The following NECAP2 variants were observed in gnomAD, a reference collection of about 807,000 sequenced individuals.
NECAP2 encodes the protein NECAP endocytosis associated 2.
NECAP2 carries 38 observed loss-of-function variants against 37.8 expected under a neutral mutation model. The observed-to-expected ratio is 1.01, with a 90% CI of 0.78 to 1.32. NECAP2 has a LOEUF of 1.32. NECAP2 is among the 40% of genes most tolerant of loss of function. NECAP2 has a pLI of 0.00. For synonymous variants in NECAP2, 121 were observed against 127.7 expected (o/e 0.95, Z 0.35); for missense variants, 316 against 334.5 (o/e 0.94, Z 0.43).
chr1:16,447,782 T>G (rs2086784202), intron 2 of NECAP2, 88 bp from the exon 3 acceptor site: 3 of 1,037,672 alleles, frequency 2.9e-6, no homozygotes, highest in Admixed American at 1.7e-5. Flanking sequence ...TAGAGATGCC[T>G]TGCGGGCAAA....
At chr1:16,453,097 G>A (rs1471265276) in intron 6 of NECAP2, among the ~76,000 whole-genome samples, 1 of 151,570 alleles carries the variant, frequency 6.6e-6, no homozygotes, top group African/African-American at 2.4e-5. Flanking sequence ...GCAAGAATCT[G>A]CATTCTTGTG....
At chr1:16,449,362 G>C in intron 5 of NECAP2, 161 bp downstream of exon 5, 1 of 585,188 alleles carries the variant, frequency 1.7e-6, no homozygotes, top group Non-Finnish European at 3.0e-6. Context: ...AGAGACCTCT[G>C]TTCTCATGGA....
intron 1 of NECAP2, among the ~76,000 whole-genome samples, chr1:16,443,196 CTG>C (rs1200260436): frequency 3.9e-5 from 6 of 152,194 alleles, no homozygotes; most frequent in Non-Finnish European, 8.8e-5. Context: ...GAGGAGGACA[CTG>C]TGGTCTAGAG....
At position 16,451,988 on chromosome 1, in the gene NECAP2, G is replaced by A. The variant is rs377008317; in HGVS notation, c.640G>A (p.Val214Ile). ...GEQLAVGGSL[V>I]QPAVAPSSGG... Reference sequence around the variant, plus strand: ...GCAGTTGGCTGTGGGGGGATCCCTCGTCCAGCCAGCAGTTGCTCCCAGTTC... The same window carrying A: ...GCAGTTGGCTGTGGGGGGATCCCTCATCCAGCCAGCAGTTGCTCCCAGTTC... The change falls in exon 6 of 8, where the codon GTC becomes ATC. Residue 214 changes from valine (V) to isoleucine (I), a missense_variant. Val to Ile is a conservative substitution (Grantham distance 29). Around this residue, in one of 3 missense-constraint regions of NECAP2, gnomAD observed 204 missense variants for 188.6 expected, o/e 1.08. Transcript: ENST00000337132. The A allele has an allele frequency of 1.1e-5, 18 of 1,602,738 alleles. 1 individual carries two copies. In the Middle Eastern group the frequency reaches 5.0e-4, roughly 45 times the overall value.
chr1:16,448,847 C>T (rs1311938472), intron 4 of NECAP2, among the ~76,000 whole-genome samples: 2 of 152,142 alleles, frequency 1.3e-5, no homozygotes, highest in African/African-American at 4.8e-5. Context: ...CATTCGTAGC[C>T]ATCTTGAAAA....
At chr1:16,442,189 G>A (rs936387198) in intron 1 of NECAP2, among the ~76,000 whole-genome samples, 1 of 146,816 alleles carries the variant, frequency 6.8e-6, no homozygotes, top group South Asian at 2.1e-4. Flanking sequence ...TGTTGGTCAG[G>A]CTGGTCTCGA....
In NECAP2 at chr1:16,443,876, C is replaced by A. The variant is rs575828225; in HGVS notation, c.193+144C>A. On this transcript the variant is annotated intron_variant, in intron 2 of 7. Coordinates refer to ENST00000337132, the MANE Select transcript of NECAP2 (RefSeq NM_018090.5). ...GACGTGTGTGTACCTTTAAGCTGTA[C>A]CATTCCCCCACCTTAGTTGTAGAAA... 5 of 647,888 alleles carry A rather than the reference C, an allele frequency of 7.7e-6. No homozygotes were observed. The South Asian group carries it at 8.8e-5, about 11-fold the overall frequency. The allele number at this position is 647,888 out of a possible 1,614,324, so 40.1% of individuals were successfully genotyped here. A position where few individuals can be genotyped will look rare whatever the true frequency, so the allele number is the denominator to read the frequency against.
At chr1:16,448,569 A>C (rs2086796109) in intron 4 of NECAP2, among the ~76,000 whole-genome samples, 1 of 152,190 alleles carries the variant, frequency 6.6e-6, no homozygotes, top group African/African-American at 2.4e-5. Flanking sequence ...TCAGGCTGCC[A>C]GTGAGTGGGC....
At chr1:16,443,611 C>G (rs772130067) in intron 1 of NECAP2, 21 bp from the exon 2 acceptor site, 1 of 1,582,060 alleles carries the variant, frequency 6.3e-7, no homozygotes. Flanking sequence ...GGCAGAGATT[C>G]AGTGGTGTTT....
chr1:16,453,021 C>CT (rs2086869085), intron 6 of NECAP2, among the ~76,000 whole-genome samples: 1 of 151,904 alleles, frequency 6.6e-6, no homozygotes, highest in Admixed American at 6.6e-5. Flanking sequence ...AGGAACTGTT[C>CT]TTTAAGTGCT....
chr1:16,448,198 T>G, intron 4 of NECAP2, 57 bp downstream of exon 4: 1 of 1,494,562 alleles, frequency 6.7e-7, no homozygotes, highest in Non-Finnish European at 9.3e-7. Context: ...CTGGACAGAA[T>G]GATCTCCCAG....
chr1:16,448,349 C>A, intron 4 of NECAP2: 1 of 601,082 alleles, frequency 1.7e-6, no homozygotes, highest in Non-Finnish European at 3.0e-6. Context: ...TCTCTACCAT[C>A]CCAGCCTTCG....
chr1:16,453,229 C>T (rs1210096964), intron 6 of NECAP2, among the ~76,000 whole-genome samples: 1 of 151,618 alleles, frequency 6.6e-6, no homozygotes, highest in Non-Finnish European at 1.5e-5. Context: ...CCTGCCTCAG[C>T]CTCCTGAGTA....
chr1:16,449,496 G>C (rs976177872), intron 5 of NECAP2: 4 of 320,460 alleles, frequency 1.2e-5, no homozygotes, highest in Admixed American at 9.2e-5. Flanking sequence ...GCCCATAGTT[G>C]TGGGAACCAA....
chr1:16,452,105 C>A, intron 6 of NECAP2, 90 bp downstream of exon 6: 1 of 1,321,032 alleles, frequency 7.6e-7, no homozygotes, highest in East Asian at 2.4e-5. Flanking sequence ...CCCCGTTACA[C>A]ACATGGATTG....
chr1:16,455,612 C>A, intron 6 of NECAP2: 1 of 574,804 alleles, frequency 1.7e-6, no homozygotes, highest in African/African-American at 1.9e-5. Flanking sequence ...CCAGAGCGCA[C>A]AAGGGCTGGT....
chr1:16,443,569 C>A (rs947279336), intron 1 of NECAP2, 63 bp from the exon 2 acceptor site: 1 of 1,267,064 alleles, frequency 7.9e-7, no homozygotes, highest in South Asian at 1.3e-5. Context: ...CCTTTCCATT[C>A]CCAGCATTGG....
chr1:16,459,100 G>C lies in NECAP2; in HGVS notation c.*210G>C. 2 of 1,133,194 alleles carry C rather than the reference G, an allele frequency of 1.8e-6. No homozygotes were observed. The highest frequency in any genetic ancestry group is 2.5e-6 in the Non-Finnish European group (2 of 812,656). The allele number at this position is 1,133,194 out of a possible 1,614,324, so 70.2% of individuals were successfully genotyped here. A position where few individuals can be genotyped will look rare whatever the true frequency, so the allele number is the denominator to read the frequency against. ...TTCCTGGGATTCAAGTATGCAACCAGAACACAGGAGAAGAAAAGCTCCAGG... is the reference window on the plus strand; with the variant it reads ...TTCCTGGGATTCAAGTATGCAACCACAACACAGGAGAAGAAAAGCTCCAGG... On this transcript the variant is annotated 3_prime_UTR_variant, in exon 8 of 8. Coordinates refer to ENST00000337132, the MANE Select transcript of NECAP2 (RefSeq NM_018090.5).
chr1:16,445,411 C>T (rs1475920250), intron 2 of NECAP2, among the ~76,000 whole-genome samples: 3 of 152,200 alleles, frequency 2.0e-5, no homozygotes, highest in Non-Finnish European at 4.4e-5. Flanking sequence ...GTAGCACCCC[C>T]CAAGTTGTGA....
Sources: allele counts gnomAD v4.1 joint callset (sites outside exome capture counted in the v4.1 genomes callset), GRCh38; gene constraint gnomAD v4.1.1; regional missense constraint gnomAD v4.1.1; transcripts MANE v1.5; gene names NCBI Gene and HGNC (gene_info 2026-07-23, HGNC 2026-07-21).